Variants in MAD1L1 observed in about 807,000 individuals in gnomAD.
MAD1L1 encodes the protein mitotic spindle assembly checkpoint protein MAD1.
Under a neutral mutation model 96.9 loss-of-function variants are expected in MAD1L1, and 95 were observed. The ratio of observed to expected loss-of-function variants is 0.98; its 90% CI spans 0.83 to 1.16. The LOEUF (loss-of-function observed/expected upper bound fraction) is 1.16, where lower values mean the gene tolerates loss of function less well. Ranked by LOEUF, MAD1L1 falls within the 50% of genes most tolerant of loss-of-function variation. The probability of loss-of-function intolerance (pLI) is 0.00; values close to 1 mark genes in which losing one functional copy is unlikely to be tolerated. For synonymous variants in MAD1L1, 473 were observed against 396.6 expected, an observed-to-expected ratio of 1.19 and a Z score of -2.29; for missense variants, 1,007 against 954.4, an observed-to-expected ratio of 1.06 and a Z score of -0.73.
At chr7:1,823,267 A>C (rs2128621567) in intron 18 of MAD1L1, among the ~76,000 whole-genome samples, 1 of 152,214 alleles carries the variant, frequency 6.6e-6, no homozygotes, top group South Asian at 2.1e-4. Flanking sequence ...TTTAACTCAA[A>C]CTGTATCACG....
intron 18 of MAD1L1, among the ~76,000 whole-genome samples, chr7:1,883,846 C>T (rs1250865417): frequency 6.6e-6 from 1 of 152,188 alleles, no homozygotes; most frequent in Non-Finnish European, 1.5e-5. Context: ...TTCCAGGACT[C>T]GACCGGAGCA....
Position 2,092,549 on chromosome 7 carries a change from G to GCC in MAD1L1, c.1074-23213_1074-23212dup, listed in dbSNP as rs1305738632. 3.3e-5 allele frequency among the ~76,000 whole-genome samples: 5 copies of GCC among 151,024 alleles called. No homozygotes were observed. The East Asian group carries it at 7.8e-4, about 24-fold the overall frequency. On this transcript the variant is annotated intron_variant, in intron 11 of 18. Transcript: ENST00000265854. ...TATCGGTGACTGTGTTTTCAACCAT[G>GCC]CCCCGCCCGAGCATCCTCCCCTCAC...
chr7:1,870,774 C>CG, intron 18 of MAD1L1, among the ~76,000 whole-genome samples: 1 of 136,146 alleles, frequency 7.3e-6, no homozygotes, highest in Admixed American at 7.3e-5. Flanking sequence ...CTGAACCGAC[C>CG]ATAACACCTG....
chr7:2,016,712 G>A (rs1308917313), intron 12 of MAD1L1, among the ~76,000 whole-genome samples: 1 of 152,218 alleles, frequency 6.6e-6, no homozygotes, highest in Non-Finnish European at 1.5e-5. Context: ...CAGGGACACA[G>A]GTGCCACCCT....
intron 13 of MAD1L1, among the ~76,000 whole-genome samples, chr7:2,002,939 A>C: frequency 9.8e-5 from 1 of 10,228 alleles, no homozygotes; most frequent in African/African-American, 3.9e-4. Context: ...ACTCCTTCCC[A>C]CGACCCCGCT....
At chr7:2,013,093 C>T (rs1782374365) in intron 13 of MAD1L1, among the ~76,000 whole-genome samples, 1 of 152,278 alleles carries the variant, frequency 6.6e-6, no homozygotes, top group Admixed American at 6.5e-5. Context: ...CCCAGCAGCT[C>T]GGCTCCAGGG....
At chr7:2,066,647 G>A (rs7801739) in intron 12 of MAD1L1, among the ~76,000 whole-genome samples, 12,498 of 152,232 alleles carry the variant, frequency 0.082, 1,639 homozygotes, top group African/African-American at 0.28. Flanking sequence ...AAAGAGCAAC[G>A]GCAGGAAGGA....
intron 11 of MAD1L1, among the ~76,000 whole-genome samples, chr7:2,091,852 A>T (rs913565065): frequency 9.9e-5 from 15 of 151,854 alleles, no homozygotes; most frequent in Non-Finnish European, 1.9e-4. Context: ...ACAGGATTCC[A>T]TTGCACAAAT....
chr7:2,221,061 G>A (rs1793579422), intron 5 of MAD1L1: 1 of 1,600,782 alleles, frequency 6.2e-7, no homozygotes, highest in Non-Finnish European at 8.5e-7. Flanking sequence ...AGTGCGCAGG[G>A]AGGGCTTCCC....
At chr7:1,869,529 G>A (rs1222373849) in intron 18 of MAD1L1, among the ~76,000 whole-genome samples, 1 of 152,106 alleles carries the variant, frequency 6.6e-6, no homozygotes, top group Non-Finnish European at 1.5e-5. Flanking sequence ...CGCCTTTGCT[G>A]CCTCCCCTTC....
chr7:2,215,251 G>T (rs770784406), intron 9 of MAD1L1, among the ~76,000 whole-genome samples: 1 of 151,928 alleles, frequency 6.6e-6, no homozygotes, highest in African/African-American at 2.4e-5. Context: ...GGTGGCGCAC[G>T]CCTGTAGTCC....
rs1460163091 is a variant in MAD1L1 at position 2,119,855 on chromosome 7, C to T, written c.1073+29297G>A. Among the ~76,000 whole-genome samples, 1 of 152,168 alleles carries T rather than the reference C, an allele frequency of 6.6e-6. No individual in the cohort carries two copies. The highest frequency in any genetic ancestry group is 6.5e-5 in the Admixed American group (1 of 15,284). ...TTCCTGCTGGCTCCTCGCTGGGGTCCAGGACTCTGATCTGGGATCTCCCCT... is the reference window on the plus strand; with the variant it reads ...TTCCTGCTGGCTCCTCGCTGGGGTCTAGGACTCTGATCTGGGATCTCCCCT... On this transcript the variant is annotated intron_variant, in intron 11 of 18. Transcript: ENST00000265854. The surrounding 1 kb of genome is among the most constrained non-coding windows in gnomAD (Gnocchi z 4.6).
intron 12 of MAD1L1, among the ~76,000 whole-genome samples, chr7:2,029,932 GAACAGA>G (rs1273330453): frequency 6.6e-6 from 1 of 152,160 alleles, no homozygotes; most frequent in Non-Finnish European, 1.5e-5. Flanking sequence ...AAAATCCAAG[GAACAGA>G]AACAAGATCA....
At chr7:1,822,561 G>A (rs1583472152) in intron 18 of MAD1L1, among the ~76,000 whole-genome samples, 1 of 151,224 alleles carries the variant, frequency 6.6e-6, no homozygotes, top group South Asian at 2.1e-4. Flanking sequence ...CCAAGTAGCT[G>A]TAACTACAGG....
intron 14 of MAD1L1, among the ~76,000 whole-genome samples, chr7:1,993,699 T>C (rs1781442760): frequency 6.6e-6 from 1 of 152,240 alleles, no homozygotes; most frequent in Non-Finnish European, 1.5e-5. Flanking sequence ...AAAATGCAGA[T>C]GATCCTTACA....
chr7:1,887,633 GTGCA>G lies in MAD1L1; in HGVS notation c.1998+10563_1998+10566del, dbSNP rs912816773. Among the ~76,000 whole-genome samples, 4 of 151,174 alleles carry G rather than the reference GTGCA, an allele frequency of 2.6e-5. No individual in the cohort carries two copies. In the East Asian group the frequency reaches 7.8e-4, roughly 30 times the overall value. ...TGGCTGCCTGTGCATGGGCATGTGTGTGCATGCATGCATGTGGGTGCCTGTGCAT... is the reference window on the plus strand; with the variant it reads ...TGGCTGCCTGTGCATGGGCATGTGTGTGCATGCATGTGGGTGCCTGTGCAT... On this transcript the variant is annotated intron_variant, in intron 18 of 18. Transcript: ENST00000265854.
intron 11 of MAD1L1, among the ~76,000 whole-genome samples, chr7:2,133,907 T>G (rs1000283647): frequency 1.3e-5 from 2 of 152,228 alleles, no homozygotes; most frequent in African/African-American, 4.8e-5. Flanking sequence ...CGTCCATTCT[T>G]CCATCAACAG....
At chr7:1,910,292 C>A (rs1017405994) in intron 17 of MAD1L1, among the ~76,000 whole-genome samples, 13 of 152,188 alleles carry the variant, frequency 8.5e-5, no homozygotes, top group Admixed American at 5.9e-4. Context: ...ATCCTCCGGA[C>A]ACCCTGCATA....
At chr7:1,948,548 C>T (rs1039833730) in intron 16 of MAD1L1, among the ~76,000 whole-genome samples, 1 of 152,212 alleles carries the variant, frequency 6.6e-6, no homozygotes, top group Admixed American at 6.5e-5. Context: ...GCCTGAGACC[C>T]TGCTGGGCAG....
Sources: gnomAD v4.1 joint callset for allele counts (sites outside exome capture counted in the v4.1 genomes callset) on GRCh38, gnomAD v4.1.1 for gene constraint, Gnocchi (gnomAD v3.1) non-coding constraint, MANE v1.5 for transcripts, NCBI Gene and HGNC (gene_info 2026-07-23, HGNC 2026-07-21) for gene names.